PIKFYVE: variants seen among roughly 807,000 people sequenced by gnomAD.
PIKFYVE encodes the protein 1-phosphatidylinositol 3-phosphate 5-kinase.
Under a neutral mutation model 257.9 loss-of-function variants are expected in PIKFYVE, and 122 were observed. The ratio of observed to expected loss-of-function variants is 0.47; its 90% CI spans 0.41 to 0.55. The LOEUF is 0.55. PIKFYVE is among the 20% of genes least tolerant of loss of function. PIKFYVE has a pLI of 0.00. For missense variants in PIKFYVE, 2,160 were observed against 2,536.6 expected, an observed-to-expected ratio of 0.85 and a Z score of 3.19; for synonymous variants, 892 against 868.9, an observed-to-expected ratio of 1.03 and a Z score of -0.47.
chr2:208,338,599 G>C (rs550570222), intron 29 of PIKFYVE, 31 bp downstream of exon 29: 1 of 1,592,080 alleles, frequency 6.3e-7, no homozygotes, highest in Non-Finnish European at 8.6e-7. Flanking sequence ...ATCACTTGCC[G>C]TAGGATTTAA....
chr2:208,329,037 T>C (rs1280164647), intron 21 of PIKFYVE, among the ~76,000 whole-genome samples: 2 of 152,220 alleles, frequency 1.3e-5, no homozygotes, highest in Non-Finnish European at 2.9e-5. Context: ...GTCTAAAACT[T>C]AAGTAGATTG....
In PIKFYVE at chr2:208,273,584, A is replaced by AGAGAGCAGAAGGAGGCCAGG; in HGVS notation, c.178_197dup (p.Gln68LysfsTer10). On this transcript the variant is annotated frameshift_variant and splice_region_variant, in exon 3 of 42. Coordinates refer to ENST00000264380, the MANE Select transcript of PIKFYVE (RefSeq NM_015040.4). LOFTEE classifies it high-confidence loss of function. ...AATGCCAAGCGTTCCCTTGCTACAG[A>AGAGAGCAGAAGGAGGCCAGG]GAGAGCAGAAGGAGGCCAGGGAGAA... 6.2e-7 allele frequency: 1 copy of AGAGAGCAGAAGGAGGCCAGG among 1,614,198 alleles called. No homozygotes were observed. The highest frequency in any genetic ancestry group is 8.5e-7 in the Non-Finnish European group (1 of 1,180,026).
At position 208,314,344 on chromosome 2, in the gene PIKFYVE, A is replaced by G; in HGVS notation, c.1747A>G (p.Thr583Ala). 1 of 1,613,924 alleles carries G rather than the reference A, an allele frequency of 6.2e-7. No homozygotes were observed. Among genetic ancestry groups the G allele is most frequent in the Admixed American group, 1.7e-5 (1 of 60,020 alleles). ...VEEKSKELPF[T>A]PLGWHHNNLE... The stretch of plus-strand genomic sequence containing the variant: ...GGAAAAATCCAAAGAGCTGCCTTTC[A>G]CACCTTTGGGCTGGCATCATAACAA... Residue 583 changes from threonine to alanine, a missense_variant, in exon 14 of 42, where the codon ACA (threonine) becomes GCA (alanine). Physicochemically the swap from Thr to Ala is moderately conservative, Grantham distance 58. Coordinates refer to ENST00000264380, the MANE Select transcript of PIKFYVE (RefSeq NM_015040.4).
intron 23 of PIKFYVE, among the ~76,000 whole-genome samples, chr2:208,331,126 A>G (rs1429106204): frequency 2.0e-5 from 3 of 152,124 alleles, no homozygotes; most frequent in Admixed American, 6.5e-5. Context: ...TTGTATAATA[A>G]ATTCGAGCCT....
At chr2:208,331,984 T>C (rs1001561940) in intron 23 of PIKFYVE, among the ~76,000 whole-genome samples, 18 of 152,336 alleles carry the variant, frequency 1.2e-4, no homozygotes, top group African/African-American at 4.3e-4. Context: ...TGCTTTGCTA[T>C]ATGCACTTTA....
intron 7 of PIKFYVE, among the ~76,000 whole-genome samples, chr2:208,294,113 T>C (rs1692664634): frequency 6.6e-6 from 1 of 152,190 alleles, no homozygotes; most frequent in African/African-American, 2.4e-5. Flanking sequence ...TTCAGTCTTT[T>C]TTCTATTTGC....
rs142466994 is a variant in PIKFYVE at position 208,308,512 on chromosome 2, C to T, written c.1636+3499C>T. 2.6e-3 allele frequency among the ~76,000 whole-genome samples: 403 copies of T among 152,150 alleles called. 2 individuals carry two copies. The highest frequency in any genetic ancestry group is 8.8e-3 in the African/African-American group (365 of 41,516). Reference sequence around the variant, plus strand: ...ACTATTATTAACTGTAGTCATCATGCTGTACAGTATATCTCAAAAACTTAT... The same window carrying T: ...ACTATTATTAACTGTAGTCATCATGTTGTACAGTATATCTCAAAAACTTAT... On this transcript the variant is annotated intron_variant, in intron 12 of 41. Coordinates refer to ENST00000264380, the MANE Select transcript of PIKFYVE (RefSeq NM_015040.4).
chr2:208,269,592 C>T (rs973320421), intron 1 of PIKFYVE: 16 of 283,278 alleles, frequency 5.6e-5, no homozygotes, highest in South Asian at 4.1e-5. Flanking sequence ...TCTTGAAGTC[C>T]ACATGCCGGG....
rs1699757423 is a variant in PIKFYVE at position 208,351,332 on chromosome 2, A to G, written c.5612-20A>G. ...GTATATATTGTGATTGAGTAAACAC[A>G]TAAAATTTCTGCCTTTTAGATGATA... On this transcript the variant is annotated intron_variant, in intron 37 of 41. Transcript: ENST00000264380. The G allele has an allele frequency of 1.3e-6, 2 of 1,529,390 alleles. No homozygotes were observed. Among genetic ancestry groups the G allele is most frequent in the Non-Finnish European group, 1.8e-6 (2 of 1,103,304 alleles). The allele number at this position is 1,529,390 out of a possible 1,614,324, so 94.7% of individuals were successfully genotyped here. A position where few individuals can be genotyped will look rare whatever the true frequency, so the allele number is the denominator to read the frequency against.
At chr2:208,293,853 T>C (rs972108014) in intron 7 of PIKFYVE, among the ~76,000 whole-genome samples, 1 of 152,114 alleles carries the variant, frequency 6.6e-6, no homozygotes, top group Non-Finnish European at 1.5e-5. Context: ...TTCTTTATTT[T>C]TGACTTTCTG....
intron 13 of PIKFYVE, 152 bp downstream of exon 13, chr2:208,312,447 G>C: frequency 1.5e-6 from 1 of 660,052 alleles, no homozygotes; most frequent in Non-Finnish European, 2.6e-6. Context: ...TATATATAAT[G>C]ATTTAGAGAA....
intron 6 of PIKFYVE, among the ~76,000 whole-genome samples, chr2:208,287,401 G>A (rs1691721892): frequency 6.6e-6 from 1 of 151,326 alleles, no homozygotes; most frequent in Admixed American, 6.6e-5. Context: ...AACCTCCTGA[G>A]TAGCTGGACT....
chr2:208,269,828 G>T, intron 1 of PIKFYVE: 1 of 248,052 alleles, frequency 4.0e-6, no homozygotes. Flanking sequence ...GTTTTCTCAG[G>T]GGCCTGGGGG....
intron 16 of PIKFYVE, among the ~76,000 whole-genome samples, chr2:208,318,566 G>C (rs1376149044): frequency 6.6e-6 from 1 of 152,100 alleles, no homozygotes; most frequent in Non-Finnish European, 1.5e-5. Flanking sequence ...GATCACATGT[G>C]GACCTTTTAA....
chr2:208,277,812 G>A (rs1276399559), intron 5 of PIKFYVE, 104 bp downstream of exon 5: 2 of 1,239,170 alleles, frequency 1.6e-6, no homozygotes, highest in Non-Finnish European at 2.3e-6. Context: ...GGTTTTATGT[G>A]TAAGACATGG....
In PIKFYVE at chr2:208,326,251, G is replaced by A. The variant is rs1198934453; in HGVS notation, c.3440G>A (p.Ser1147Asn). The change falls in exon 20 of 42, where the codon AGC becomes AAC. Residue 1147 changes from serine (S) to asparagine (N), a missense_variant. Physicochemically the swap from Ser to Asn is conservative, Grantham distance 46. This residue lies in a region of PIKFYVE where 522 missense variants were observed against 514.6 expected (regional missense o/e 1.01). Transcript: ENST00000264380. ...GCTGAGCATCTGGGCGATAGCCAGA[G>A]CTTGGGTAGAATGCTGGCCGATTAT... ...RIAEHLGDSQ[S>N]LGRMLADYRA... 3.8e-6 allele frequency: 6 copies of A among 1,591,958 alleles called. No individual in the cohort carries two copies. The highest frequency in any genetic ancestry group is 4.5e-5 in the East Asian group (2 of 44,720).
At chr2:208,324,818 ATTT>A (rs762055094) in intron 18 of PIKFYVE, 90 bp from the exon 19 acceptor site, 109 of 1,442,906 alleles carry the variant, frequency 7.6e-5, no homozygotes, top group Non-Finnish European at 1.0e-4. Flanking sequence ...TGTGAATGTT[ATTT>A]TTTAATTTTT....
Position 208,335,776 on chromosome 2 carries a change from G to A in PIKFYVE, c.4257-17G>A. 5 of 1,570,168 alleles carry A rather than the reference G, an allele frequency of 3.2e-6. No homozygotes were observed. The highest frequency in any genetic ancestry group is 4.4e-6 in the Non-Finnish European group (5 of 1,140,760). On this transcript the variant is annotated splice_polypyrimidine_tract_variant and intron_variant, in intron 25 of 41. Transcript: ENST00000264380. ...ATTCACCCTTTCTAAAGTGTTTAATGCTCTCGCTATTGTTAGAGTTTCACA... is the reference window on the plus strand; with the variant it reads ...ATTCACCCTTTCTAAAGTGTTTAATACTCTCGCTATTGTTAGAGTTTCACA...
At chr2:208,354,534 T>C (rs368209463) in intron 40 of PIKFYVE, 37 bp from the exon 41 acceptor site, 1 of 1,499,304 alleles carries the variant, frequency 6.7e-7, no homozygotes, top group Non-Finnish European at 9.3e-7. Context: ...TTTATTAACA[T>C]AGCTTTATTG....
Sources: gnomAD v4.1 joint callset for allele counts (sites outside exome capture counted in the v4.1 genomes callset) on GRCh38, gnomAD v4.1.1 for gene constraint, gnomAD v4.1.1 regional missense constraint, MANE v1.5 for transcripts, NCBI Gene and HGNC (gene_info 2026-07-23, HGNC 2026-07-21) for gene names.